The following NUDT6 variants were observed in gnomAD, a reference collection of about 807,000 sequenced individuals.
NUDT6 encodes the protein FAD diphosphatase NUDT6.
NUDT6 carries 24 observed loss-of-function variants against 36.8 expected under a neutral mutation model. The observed-to-expected ratio is 0.65, with a 90% CI of 0.47 to 0.92. The LOEUF is 0.92. Ranked by LOEUF, NUDT6 falls within the 40% of genes least tolerant of loss-of-function variation. The pLI is 0.00. For synonymous variants in NUDT6, 163 were observed against 157.0 expected (o/e 1.04, Z -0.29); for missense variants, 388 against 392.8 (o/e 0.99, Z 0.10).
At chr4:122,902,610 T>C (rs1255469170) in intron 3 of NUDT6, among the ~76,000 whole-genome samples, 1 of 152,214 alleles carries the variant, frequency 6.6e-6, no homozygotes, top group Non-Finnish European at 1.5e-5. Context: ...TTCACTGATG[T>C]GTACCTAGTG....
At chr4:122,898,617 A>G (rs948009703) in intron 3 of NUDT6, among the ~76,000 whole-genome samples, 3 of 152,196 alleles carry the variant, frequency 2.0e-5, no homozygotes, top group Admixed American at 2.0e-4. Context: ...GCTAGGTTGG[A>G]GACCAGTGGC....
At chr4:122,896,764 A>G (rs1472218310) in intron 4 of NUDT6, 1 of 152,194 alleles carries the variant, frequency 6.6e-6, no homozygotes, top group Non-Finnish European at 1.5e-5. Flanking sequence ...CTTTAAGTAC[A>G]TGGACATTTT....
chr4:122,900,525 G>C (rs1309364231), intron 3 of NUDT6, among the ~76,000 whole-genome samples: 1 of 150,830 alleles, frequency 6.6e-6, no homozygotes, highest in Admixed American at 6.6e-5. Flanking sequence ...GCTATAATTT[G>C]TTCCCACTTT....
intron 1 of NUDT6, chr4:122,922,032 G>T (rs969540397): frequency 1.1e-5 from 4 of 351,606 alleles, no homozygotes; most frequent in African/African-American, 8.4e-5. Context: ...ACCGGGGTCT[G>T]TGGAAGAGGA....
chr4:122,901,609 A>G (rs1198673567), intron 3 of NUDT6, among the ~76,000 whole-genome samples: 2 of 152,154 alleles, frequency 1.3e-5, no homozygotes, highest in Non-Finnish European at 2.9e-5. Context: ...TTTCTGATGC[A>G]TTTTTTAGAG....
At chr4:122,921,721 C>T (rs1389197859) in intron 1 of NUDT6, 1 of 151,410 alleles carries the variant, frequency 6.6e-6, no homozygotes, top group African/African-American at 2.4e-5. Context: ...CACATTTATA[C>T]CTCTATCAAA....
intron 1 of NUDT6, 152 bp downstream of exon 1, chr4:122,922,183 T>G (rs931777036): frequency 1.7e-6 from 1 of 583,994 alleles, no homozygotes; most frequent in African/African-American, 1.9e-5. Flanking sequence ...TAAGCACGAA[T>G]GCTCCAGAAA....
At chr4:122,897,789 T>C in intron 3 of NUDT6, 111 bp from the exon 4 acceptor site, 2 of 758,848 alleles carry the variant, frequency 2.6e-6, no homozygotes, top group Non-Finnish European at 4.5e-6. Flanking sequence ...AATATATTTT[T>C]TAGTAATTGC....
rs1553950801 is a variant in NUDT6, at chr4:122,893,199, C to T, written c.580G>A (p.Glu194Lys). 6.2e-7 allele frequency: 1 copy of T among 1,608,890 alleles called. No individual in the cohort carries two copies. Among genetic ancestry groups the T allele is most frequent in the South Asian group, 1.1e-5 (1 of 90,228 alleles). The change falls in exon 5 of 5, where the codon GAA becomes AAA. Residue 194 changes from glutamate to lysine, a missense_variant. Physicochemically the swap from Glu to Lys is moderately conservative, Grantham distance 56. Coordinates refer to ENST00000304430, the MANE Select transcript of NUDT6 (RefSeq NM_007083.5). ...IGDTAVREVF[E>K]ETGIKSEFRS... ...AATTCTGATTTTATACCAGTCTCTT[C>T]AAAAACTTCTCGAACCGCTGTGTCT...
At chr4:122,894,386 T>A (rs1727286151) in intron 4 of NUDT6, 1 of 152,082 alleles carries the variant, frequency 6.6e-6, no homozygotes, top group South Asian at 2.1e-4. Flanking sequence ...AGCCCAGGAG[T>A]TCAAGACCAA....
intron 3 of NUDT6, among the ~76,000 whole-genome samples, chr4:122,900,552 T>C (rs1413378431): frequency 1.3e-5 from 2 of 148,396 alleles, no homozygotes; most frequent in African/African-American, 5.0e-5. Context: ...GATGAAACAC[T>C]TGACTGGGGT....
chr4:122,893,567 G>A (rs1727255825), intron 4 of NUDT6: 1 of 179,062 alleles, frequency 5.6e-6, no homozygotes. Flanking sequence ...CATTTTGCAT[G>A]GCTGCAGTTC....
intron 4 of NUDT6, chr4:122,895,882 A>G (rs554173630): frequency 6.6e-6 from 1 of 152,400 alleles, no homozygotes; most frequent in South Asian, 2.1e-4. Flanking sequence ...ATGTTTTCCT[A>G]AATACAGAGT....
At chr4:122,907,879 C>G (rs982083508) in intron 3 of NUDT6, among the ~76,000 whole-genome samples, 4 of 152,128 alleles carry the variant, frequency 2.6e-5, no homozygotes, top group Non-Finnish European at 5.9e-5. Flanking sequence ...CTGTAGATCT[C>G]TAAGGTATGG....
chr4:122,913,287 C>G (rs1203203724), intron 2 of NUDT6: 1 of 152,232 alleles, frequency 6.6e-6, no homozygotes, highest in Non-Finnish European at 1.5e-5. Flanking sequence ...ACAGACGATG[C>G]CTTCTAGCCC....
chr4:122,907,607 C>T lies in NUDT6; in HGVS notation c.498+4961G>A, dbSNP rs190168239. 3.3e-3 allele frequency among the ~76,000 whole-genome samples: 501 copies of T among 151,972 alleles called. 2 individuals carry two copies. Among genetic ancestry groups the T allele is most frequent in the Middle Eastern group, 0.014 (4 of 290 alleles). On this transcript the variant is annotated intron_variant, in intron 3 of 4. Coordinates refer to ENST00000304430, the MANE Select transcript of NUDT6 (RefSeq NM_007083.5). ...CGGGAACTACAGGCGCCCACCACCA[C>T]GCCCGGCTAATTTTTTGTATTTTTA...
At chr4:122,904,763 C>T (rs541730801) in intron 3 of NUDT6, among the ~76,000 whole-genome samples, 5 of 152,260 alleles carry the variant, frequency 3.3e-5, no homozygotes, top group African/African-American at 1.2e-4. Flanking sequence ...CTCTTCCTCA[C>T]CTACTTTATG....
chr4:122,917,752 G>A (rs1727876276), intron 1 of NUDT6, 48 bp from the exon 2 acceptor site: 1 of 1,568,324 alleles, frequency 6.4e-7, no homozygotes, highest in South Asian at 1.1e-5. Flanking sequence ...GAGACGAGTG[G>A]AATAAATTAA....
chr4:122,915,916 A>G (rs1727830335), intron 2 of NUDT6, among the ~76,000 whole-genome samples: 1 of 152,192 alleles, frequency 6.6e-6, no homozygotes, highest in African/African-American at 2.4e-5. Flanking sequence ...GCATTCTTGA[A>G]CAACTCCTTG....
Sources: allele counts gnomAD v4.1 joint callset (sites outside exome capture counted in the v4.1 genomes callset), GRCh38; gene constraint gnomAD v4.1.1; transcripts MANE v1.5; gene names NCBI Gene and HGNC (gene_info 2026-07-23, HGNC 2026-07-21).